CPSF2: variants seen among roughly 807,000 people sequenced by gnomAD.
The protein encoded by CPSF2 is cleavage and polyadenylation specific factor 2, also known as cleavage and polyadenylation specificity factor subunit 2.
In CPSF2, 51 loss-of-function variants were observed where a neutral mutation model predicts 84.2. The observed-to-expected ratio is 0.61, with a 90% confidence interval of 0.48 to 0.77. The LOEUF is 0.77. Ranked by LOEUF, CPSF2 falls within the 30% of genes least tolerant of loss-of-function variation. The pLI is 0.00. For synonymous variants in CPSF2, 286 were observed against 311.9 expected (o/e 0.92, Z 0.87); for missense variants, 641 against 929.4 (o/e 0.69, Z 4.03).
rs1332247779 is a variant in CPSF2, at chr14:92,166,312, C to T, written c.*4568C>T. The T allele has an allele frequency of 6.6e-6, 1 of 151,736 alleles. No homozygotes were observed. The highest frequency in any genetic ancestry group is 2.4e-5 in the African/African-American group (1 of 41,284). The allele number at this position is 151,736 out of a possible 1,614,324, so 9.4% of individuals were successfully genotyped here. On this transcript the variant is annotated 3_prime_UTR_variant, in exon 16 of 16. Transcript: ENST00000298875. ...ACAGTTTTACAGTTTAGGCTCTTATCATTAGGTCTTTCATTTATTTTGAAT... is the reference window on the plus strand; with the variant it reads ...ACAGTTTTACAGTTTAGGCTCTTATTATTAGGTCTTTCATTTATTTTGAAT...
At chr14:92,140,706 A>T (rs946814328) in intron 7 of CPSF2, among the ~76,000 whole-genome samples, 1 of 150,586 alleles carries the variant, frequency 6.6e-6, no homozygotes, top group Admixed American at 6.7e-5. Flanking sequence ...TGCTGGGATT[A>T]TAGGTGTGAG....
Position 92,134,336 on chromosome 14 carries a change from TCA to T in CPSF2, c.397_398del (p.Gln133AspfsTer7). The T allele has an allele frequency of 1.2e-6, 2 of 1,610,418 alleles. No individual in the cohort carries two copies. Among genetic ancestry groups the T allele is most frequent in the Non-Finnish European group, 1.7e-6 (2 of 1,177,806 alleles). ...FDKIQQLKFS[Q>X]IVNLKGKGHG... ...ATAAAATACAGCAGCTAAAATTCTCTCAGATTGTGAATTTGAAAGGTAAAAAG... is the reference window on the plus strand; with the variant it reads ...ATAAAATACAGCAGCTAAAATTCTCTGATTGTGAATTTGAAAGGTAAAAAG... On this transcript the variant is annotated frameshift_variant, in exon 5 of 16. Transcript: ENST00000298875. LOFTEE classifies it high-confidence loss of function.
At chr14:92,124,039 G>A (rs1175350377) in intron 1 of CPSF2, among the ~76,000 whole-genome samples, 1 of 152,230 alleles carries the variant, frequency 6.6e-6, no homozygotes, top group African/African-American at 2.4e-5. Context: ...GAGCTCAAAA[G>A]GAGAAGGTAA....
intron 9 of CPSF2, among the ~76,000 whole-genome samples, chr14:92,144,401 A>T (rs1595059740): frequency 6.6e-6 from 1 of 152,252 alleles, no homozygotes; most frequent in East Asian, 1.9e-4. Context: ...AACGGTCTCC[A>T]GTTCTCCACC....
At chr14:92,155,410 C>G (rs1156863341) in intron 11 of CPSF2, 87 bp downstream of exon 11, 3 of 1,098,400 alleles carry the variant, frequency 2.7e-6, no homozygotes, top group Non-Finnish European at 4.1e-6. Context: ...TGATCTTTCA[C>G]TTGATCTTTC....
In CPSF2 at chr14:92,164,850, G is replaced by A. The variant is rs2069422814; in HGVS notation, c.*3106G>A. 1.3e-5 allele frequency: 2 copies of A among 152,070 alleles called. No homozygotes were observed. Among genetic ancestry groups the A allele is most frequent in the South Asian group, 4.2e-4 (2 of 4,816 alleles). The allele number at this position is 152,070 out of a possible 1,614,324, so 9.4% of individuals were successfully genotyped here. On this transcript the variant is annotated 3_prime_UTR_variant, in exon 16 of 16. Coordinates refer to ENST00000298875, the MANE Select transcript of CPSF2 (RefSeq NM_017437.3). The stretch of plus-strand genomic sequence containing the variant: ...TTGGTGTTAGTATATTTACAGAGTT[G>A]TACAACTATTACCACTATATAATCC...
rs2069403264 is a variant in CPSF2, at chr14:92,163,527, GC to G, written c.*1784del. 1 of 152,588 alleles carries G rather than the reference GC, an allele frequency of 6.6e-6. No individual in the cohort carries two copies. The highest frequency in any genetic ancestry group is 1.5e-5 in the Non-Finnish European group (1 of 68,044). 9.5% of individuals were successfully genotyped at this position (152,588 alleles called of 1,614,324 possible). A position where few individuals can be genotyped will look rare whatever the true frequency, so the allele number is the denominator to read the frequency against. On this transcript the variant is annotated 3_prime_UTR_variant, in exon 16 of 16. Coordinates refer to ENST00000298875, the MANE Select transcript of CPSF2 (RefSeq NM_017437.3). ...ATCTGAATTTGTTTTATGATTTAAA[GC>G]ATCTGGTTTGCATATTGTATTGTAA...
Position 92,130,678 on chromosome 14 carries a change from G to A in CPSF2, c.-34-273G>A, listed in dbSNP as rs58352228. On this transcript the variant is annotated intron_variant, in intron 2 of 15. Coordinates refer to ENST00000298875, the MANE Select transcript of CPSF2 (RefSeq NM_017437.3). ...GATTCATATATGGGTCTATTTGATTGCAACATTCACTACCCCACTAGGGAG... is the reference window on the plus strand; with the variant it reads ...GATTCATATATGGGTCTATTTGATTACAACATTCACTACCCCACTAGGGAG... Among the ~76,000 whole-genome samples the A allele has an allele frequency of 8.5e-5, 13 of 152,120 alleles. No individual in the cohort carries two copies. In the East Asian group the frequency reaches 2.3e-3, roughly 27 times the overall value.
chr14:92,129,501 T>G (rs2068887706), intron 2 of CPSF2, among the ~76,000 whole-genome samples: 1 of 152,190 alleles, frequency 6.6e-6, no homozygotes, highest in African/African-American at 2.4e-5. Flanking sequence ...TACCTTAGTT[T>G]GTTGATGGCC....
intron 9 of CPSF2, among the ~76,000 whole-genome samples, chr14:92,144,461 G>T (rs997874475): frequency 6.6e-6 from 1 of 152,096 alleles, no homozygotes; most frequent in Non-Finnish European, 1.5e-5. Context: ...TTATTCCCAT[G>T]ACAACAACTC....
rs2069309276 is a variant in CPSF2, at chr14:92,157,739, GAC to G, written c.1678_1679del (p.Gln560ValfsTer27). On this transcript the variant is annotated frameshift_variant, in exon 13 of 16. Coordinates refer to ENST00000298875, the MANE Select transcript of CPSF2 (RefSeq NM_017437.3). LOFTEE classifies it high-confidence loss of function. The surrounding 1 kb of genome is among the most constrained non-coding windows in gnomAD (Gnocchi z 4.0). ...AAAATCATTAATCAGATGAAACCAC[GAC>G]AGTTGATCATCGTCCATGGCCCACC... 1 of 1,613,912 alleles carries G rather than the reference GAC, an allele frequency of 6.2e-7. No individual in the cohort carries two copies. Among genetic ancestry groups the G allele is most frequent in the African/African-American group, 1.3e-5 (1 of 74,874 alleles).
At position 92,122,006 on chromosome 14, in the gene CPSF2, G is replaced by T; in HGVS notation, c.-216G>T. 1.5e-6 allele frequency: 1 copy of T among 646,390 alleles called. No individual in the cohort carries two copies. Among genetic ancestry groups the T allele is most frequent in the Non-Finnish European group, 2.7e-6 (1 of 375,968 alleles). The allele number at this position is 646,390 out of a possible 1,614,324, so 40.0% of individuals were successfully genotyped here. ...CTCCAAAATGGCGGCTGCCACTGTG[G>T]GGCTTCTGCCGGCCGGTAGTCCCTG... is the stretch of plus-strand genomic sequence containing the variant. On this transcript the variant is annotated 5_prime_UTR_variant, in exon 1 of 16. Coordinates refer to ENST00000298875, the MANE Select transcript of CPSF2 (RefSeq NM_017437.3).
chr14:92,123,878 T>G (rs1194166782), intron 1 of CPSF2, among the ~76,000 whole-genome samples: 1 of 152,254 alleles, frequency 6.6e-6, no homozygotes, highest in African/African-American at 2.4e-5. Flanking sequence ...AGATGATCAC[T>G]TTTACTCCTC....
chr14:92,136,209 A>G (rs2068996769), intron 6 of CPSF2, among the ~76,000 whole-genome samples: 4 of 152,188 alleles, frequency 2.6e-5, no homozygotes, highest in African/African-American at 9.7e-5. Context: ...CATTAAGTTC[A>G]TAGCTATTTT....
chr14:92,158,039 T>C (rs1283747978), intron 13 of CPSF2, among the ~76,000 whole-genome samples, 155 bp downstream of exon 13: 1 of 152,102 alleles, frequency 6.6e-6, no homozygotes, highest in African/African-American at 2.4e-5. Flanking sequence ...AACAAGGAAA[T>C]ACCATTTATC....
chr14:92,153,604 G>C (rs1230528408), intron 9 of CPSF2, among the ~76,000 whole-genome samples: 1 of 151,834 alleles, frequency 6.6e-6, no homozygotes, highest in Non-Finnish European at 1.5e-5. Context: ...ATTGAGACAG[G>C]GTCTTGCTCT....
chr14:92,156,512 T>TAC lies in CPSF2; in HGVS notation c.1477_1478dup (p.Glu494LeufsTer8). On this transcript the variant is annotated frameshift_variant, in exon 12 of 16. Transcript: ENST00000298875. LOFTEE classifies it high-confidence loss of function. Reference sequence around the variant, plus strand: ...ATTTCTTAGTGCCAGAGCTTCAAGCTACTGAAGAAGAAAAAAGCAAATTAG... The same window carrying TAC: ...ATTTCTTAGTGCCAGAGCTTCAAGCTACACTGAAGAAGAAAAAAGCAAATTAG... The TAC allele has an allele frequency of 6.2e-7, 1 of 1,613,016 alleles. No homozygotes were observed. The highest frequency in any genetic ancestry group is 8.5e-7 in the Non-Finnish European group (1 of 1,179,666).
intron 9 of CPSF2, among the ~76,000 whole-genome samples, chr14:92,152,460 C>G (rs886709851): frequency 6.0e-5 from 9 of 149,960 alleles, no homozygotes; most frequent in African/African-American, 2.2e-4. Flanking sequence ...TATTTTTGAG[C>G]TGGAGTCTCA....
In CPSF2 at chr14:92,170,378, T is replaced by C. The variant is rs1264250627; in HGVS notation, c.*8634T>C. 1.3e-5 allele frequency: 2 copies of C among 152,168 alleles called. No homozygotes were observed. Among genetic ancestry groups the C allele is most frequent in the Non-Finnish European group, 2.9e-5 (2 of 68,044 alleles). 9.4% of individuals were successfully genotyped at this position (152,168 alleles called of 1,614,324 possible). ...CTAAGTTGCAATTGTGATGTCCCAT[T>C]AGTACTAAATACTTAAGTGTATACT... is the stretch of plus-strand genomic sequence containing the variant. On this transcript the variant is annotated 3_prime_UTR_variant, in exon 16 of 16. Coordinates refer to ENST00000298875, the MANE Select transcript of CPSF2 (RefSeq NM_017437.3).
Sources: allele counts gnomAD v4.1 joint callset (sites outside exome capture counted in the v4.1 genomes callset), GRCh38; gene constraint gnomAD v4.1.1; non-coding constraint Gnocchi (gnomAD v3.1); transcripts MANE v1.5; gene names NCBI Gene and HGNC (gene_info 2026-07-23, HGNC 2026-07-21).